Variants in CCSER1 observed in about 807,000 individuals in gnomAD.
CCSER1 encodes the protein coiled-coil serine rich protein 1.
Under a neutral mutation model 82.0 loss-of-function variants are expected in CCSER1, and 41 were observed. That is an observed-to-expected ratio of 0.50 (90% confidence interval 0.39 to 0.65). The LOEUF is 0.65. CCSER1 is among the 30% of genes least tolerant of loss of function. CCSER1 has a pLI of 0.00. For missense variants in CCSER1, 1,119 were observed against 1,064.2 expected (o/e 1.05, Z -0.72); for synonymous variants, 414 against 383.9 (o/e 1.08, Z -0.92).
chr4:90,312,086 A>G (rs1458317053), intron 2 of CCSER1, among the ~76,000 whole-genome samples: 2 of 152,236 alleles, frequency 1.3e-5, no homozygotes, highest in African/African-American at 2.4e-5. Context: ...GATGATACCC[A>G]AGGTAACATA....
chr4:91,546,650 G>A (rs1400999889), intron 10 of CCSER1, among the ~76,000 whole-genome samples: 1 of 151,676 alleles, frequency 6.6e-6, no homozygotes, highest in African/African-American at 2.4e-5. Flanking sequence ...CTAGCTAGAG[G>A]GTTATTAATT....
At chr4:91,391,691 T>C (rs1751661134) in intron 10 of CCSER1, among the ~76,000 whole-genome samples, 1 of 152,268 alleles carries the variant, frequency 6.6e-6, no homozygotes, top group Admixed American at 6.5e-5. Context: ...TTTAGTTCCA[T>C]TGTGTCTGAA....
At chr4:90,133,772 CT>C in intron 1 of CCSER1, among the ~76,000 whole-genome samples, 1 of 152,226 alleles carries the variant, frequency 6.6e-6, no homozygotes, top group African/African-American at 2.4e-5. Flanking sequence ...CCTTGTGGTA[CT>C]TTTGGCAGTT....
chr4:90,330,491 A>G (rs1305925973), intron 3 of CCSER1, among the ~76,000 whole-genome samples: 2 of 152,124 alleles, frequency 1.3e-5, no homozygotes, highest in African/African-American at 4.8e-5. Flanking sequence ...AATAATAATA[A>G]AAGTACATAG....
At chr4:91,153,039 T>A (rs1288504574) in intron 10 of CCSER1, among the ~76,000 whole-genome samples, 1 of 151,980 alleles carries the variant, frequency 6.6e-6, no homozygotes, top group Non-Finnish European at 1.5e-5. Context: ...CTGTATTTCC[T>A]GAATTTGAAT....
At chr4:90,945,846 G>C (rs1316565190) in intron 9 of CCSER1, among the ~76,000 whole-genome samples, 1 of 151,764 alleles carries the variant, frequency 6.6e-6, no homozygotes, top group Non-Finnish European at 1.5e-5. Context: ...CTATGTCAGG[G>C]GTTGTTCTAA....
At chr4:91,387,776 G>A (rs1751391180) in intron 10 of CCSER1, among the ~76,000 whole-genome samples, 1 of 152,054 alleles carries the variant, frequency 6.6e-6, no homozygotes, top group African/African-American at 2.4e-5. Context: ...TACTGTAAAT[G>A]TTCAGAGGTG....
rs150888981 is a variant in CCSER1 at position 90,333,430 on chromosome 4, C to T, written c.1509+20383C>T. Among the ~76,000 whole-genome samples the T allele has an allele frequency of 4.6e-5, 7 of 151,496 alleles. No homozygotes were observed. The East Asian group carries it at 5.8e-4, about 13-fold the overall frequency. ...AGAAACAAACACAAAACAAACAAAA[C>T]GAAACAAAAAAAGAAATAAAACCAA... is the stretch of plus-strand genomic sequence containing the variant. On this transcript the variant is annotated intron_variant, in intron 3 of 10. Coordinates refer to ENST00000509176, the MANE Select transcript of CCSER1 (RefSeq NM_001145065.2).
At chr4:90,471,735 G>A (rs1197188110) in intron 5 of CCSER1, among the ~76,000 whole-genome samples, 2 of 151,400 alleles carry the variant, frequency 1.3e-5, no homozygotes, top group East Asian at 1.9e-4. Flanking sequence ...CGCACTTTGG[G>A]AGGCCGAGGC....
chr4:90,586,867 A>G lies in CCSER1; in HGVS notation c.1725-41158A>G, dbSNP rs114869951. Among the ~76,000 whole-genome samples the G allele has an allele frequency of 5.3e-3, 805 of 152,348 alleles. 5 individuals carry two copies. The highest frequency in any genetic ancestry group is 0.02 in the Middle Eastern group (6 of 294). On this transcript the variant is annotated intron_variant, in intron 5 of 10. Transcript: ENST00000509176. ...AGTAGGCAGAATAATGGCCTTTCAA[A>G]GATGTCTCTTCTCTAACTGTGAATA...
At chr4:91,310,172 A>T (rs2149251837) in intron 10 of CCSER1, among the ~76,000 whole-genome samples, 1 of 152,034 alleles carries the variant, frequency 6.6e-6, no homozygotes, top group African/African-American at 2.4e-5. Context: ...CTTATGCCAC[A>T]TCCCGTGTTC....
intron 8 of CCSER1, among the ~76,000 whole-genome samples, chr4:90,865,596 A>C (rs955956609): frequency 6.6e-6 from 1 of 152,026 alleles, no homozygotes; most frequent in Non-Finnish European, 1.5e-5. Flanking sequence ...GCATACATAC[A>C]TCAGTAAAGT....
intron 7 of CCSER1, among the ~76,000 whole-genome samples, chr4:90,776,896 A>T (rs1170798451): frequency 6.6e-6 from 1 of 152,148 alleles, no homozygotes; most frequent in Non-Finnish European, 1.5e-5. Flanking sequence ...CATCCCCAGT[A>T]ATCCTTAGTT....
chr4:90,866,701 T>G (rs1765769396), intron 8 of CCSER1, among the ~76,000 whole-genome samples: 1 of 152,042 alleles, frequency 6.6e-6, no homozygotes, highest in African/African-American at 2.4e-5. Context: ...CTTCACTATT[T>G]TTTCTCATCT....
chr4:91,398,452 T>C (rs1752121336), intron 10 of CCSER1, among the ~76,000 whole-genome samples: 1 of 151,898 alleles, frequency 6.6e-6, no homozygotes, highest in African/African-American at 2.4e-5. Flanking sequence ...AGTTAAATAG[T>C]TTTAAGCTGT....
chr4:90,377,885 T>C (rs1254033286), intron 3 of CCSER1, among the ~76,000 whole-genome samples: 2 of 152,118 alleles, frequency 1.3e-5, no homozygotes, highest in African/African-American at 4.8e-5. Context: ...ATTTAAAAAA[T>C]GTGTTTTTAT....
chr4:90,612,649 C>G (rs1785683601), intron 5 of CCSER1, among the ~76,000 whole-genome samples: 1 of 152,062 alleles, frequency 6.6e-6, no homozygotes, highest in Admixed American at 6.6e-5. Context: ...ATTTTTGCTT[C>G]CAAATGCAAC....
chr4:90,834,247 A>G (rs780800534), intron 8 of CCSER1, among the ~76,000 whole-genome samples: 2 of 152,238 alleles, frequency 1.3e-5, no homozygotes, highest in African/African-American at 2.4e-5. Flanking sequence ...TTTAATAATC[A>G]GGATAAAATC....
chr4:90,512,922 T>G (rs1293779434), intron 5 of CCSER1, among the ~76,000 whole-genome samples: 7 of 152,226 alleles, frequency 4.6e-5, no homozygotes, highest in Admixed American at 4.6e-4. Flanking sequence ...CATTTATAAT[T>G]ATTGAATTTA....
Sources: allele counts gnomAD v4.1 joint callset (sites outside exome capture counted in the v4.1 genomes callset), GRCh38; gene constraint gnomAD v4.1.1; transcripts MANE v1.5; gene names NCBI Gene and HGNC (gene_info 2026-07-23, HGNC 2026-07-21).